PRIM2: variants seen among roughly 807,000 people sequenced by gnomAD.
The protein encoded by PRIM2 is DNA primase large subunit.
A neutral mutation model predicts 67.3 loss-of-function variants in PRIM2; 39 were observed. The ratio of observed to expected loss-of-function variants is 0.58; its 90% CI spans 0.45 to 0.76. PRIM2 has a LOEUF of 0.76. PRIM2 is among the 30% of genes least tolerant of loss of function. The pLI, the probability that PRIM2 is intolerant of heterozygous loss-of-function variation, is 0.00. For missense variants in PRIM2, 398 were observed against 598.7 expected (o/e 0.66, Z 3.50); for synonymous variants, 143 against 198.7 (o/e 0.72, Z 2.36).
intron 10 of PRIM2, among the ~76,000 whole-genome samples, chr6:57,569,895 C>A (rs1775829534): frequency 6.6e-6 from 1 of 152,108 alleles, no homozygotes; most frequent in African/African-American, 2.4e-5. Flanking sequence ...AGGCACGTGC[C>A]ACCACGCCCA....
chr6:57,273,182 A>T, the PRIM2 span, among the ~76,000 whole-genome samples: 1 of 152,104 alleles, frequency 6.6e-6, no homozygotes, highest in East Asian at 1.9e-4. Flanking sequence ...CTGCCTTGCT[A>T]GATTGGGGAA....
At chr6:57,271,141 A>C in the PRIM2 span, among the ~76,000 whole-genome samples, 111 of 152,334 alleles carry the variant, frequency 7.3e-4, no homozygotes, top group Middle Eastern at 0.01. Context: ...TGCTGGCCTC[A>C]TAAAATGAGT....
chr6:57,598,162 A>G (rs2127490622), intron 10 of PRIM2, among the ~76,000 whole-genome samples: 1 of 152,350 alleles, frequency 6.6e-6, no homozygotes, highest in East Asian at 1.9e-4. Flanking sequence ...AGTATCGTGT[A>G]GGAACATTTG....
chr6:57,474,502 A>AT (rs1773427552), intron 7 of PRIM2, among the ~76,000 whole-genome samples: 1 of 151,994 alleles, frequency 6.6e-6, no homozygotes, highest in Non-Finnish European at 1.5e-5. Flanking sequence ...AACATTTAAA[A>AT]TTTTTTTCAT....
chr6:57,592,018 T>G (rs1776289773), intron 10 of PRIM2, among the ~76,000 whole-genome samples: 1 of 152,124 alleles, frequency 6.6e-6, no homozygotes, highest in African/African-American at 2.4e-5. Flanking sequence ...GTCCTTTGCA[T>G]CAGCATGGAT....
intron 11 of PRIM2, among the ~76,000 whole-genome samples, chr6:57,603,111 T>A (rs1776499508): frequency 6.6e-6 from 1 of 152,232 alleles, no homozygotes; most frequent in Non-Finnish European, 1.5e-5. Context: ...TCCCCATCTG[T>A]GCTTCTGTTC....
At chr6:57,407,687 T>G (rs1770939770) in intron 7 of PRIM2, among the ~76,000 whole-genome samples, 1 of 152,206 alleles carries the variant, frequency 6.6e-6, no homozygotes, top group African/African-American at 2.4e-5. Context: ...AAAAGAGAAT[T>G]TGAAACTGTG....
chr6:57,235,245 G>A, the PRIM2 span, among the ~76,000 whole-genome samples: 21 of 152,014 alleles, frequency 1.4e-4, no homozygotes, highest in Non-Finnish European at 2.2e-4. Context: ...AGCAGATCAC[G>A]TGAGATCAGG....
the PRIM2 span, among the ~76,000 whole-genome samples, chr6:57,288,116 A>G: frequency 6.6e-6 from 1 of 152,180 alleles, no homozygotes; most frequent in African/African-American, 2.4e-5. Context: ...AGACCAGGAA[A>G]TTCCCTTCCA....
rs201624587 is a variant in PRIM2 at position 57,361,914 on chromosome 6, G to A, written c.460-17987G>A. 3.9e-3 allele frequency among the ~76,000 whole-genome samples: 599 copies of A among 152,232 alleles called. 3 individuals carry two copies. The highest frequency in any genetic ancestry group is 0.014 in the African/African-American group (566 of 41,538). ...GGGTTATAGGGGGAAAAAAAAGTGG[G>A]CATTGCCATGGGCTGGATTAATGTA... is the stretch of plus-strand genomic sequence containing the variant. On this transcript the variant is annotated intron_variant, in intron 5 of 13. Coordinates refer to ENST00000615550, the MANE Select transcript of PRIM2 (RefSeq NM_000947.5).
chr6:57,488,560 G>A (rs1773805882), intron 7 of PRIM2, among the ~76,000 whole-genome samples: 3 of 152,208 alleles, frequency 2.0e-5, no homozygotes, highest in African/African-American at 7.2e-5. Context: ...TACTTACCGA[G>A]CAAGTGAGAC....
At chr6:57,442,416 T>C (rs1772230032) in intron 7 of PRIM2, among the ~76,000 whole-genome samples, 1 of 151,912 alleles carries the variant, frequency 6.6e-6, no homozygotes. Context: ...ATATGTGCTA[T>C]AGGAATTTAC....
At chr6:57,541,925 C>T (rs1775165268) in intron 10 of PRIM2, among the ~76,000 whole-genome samples, 1 of 151,164 alleles carries the variant, frequency 6.6e-6, no homozygotes, top group African/African-American at 2.4e-5. Context: ...GACCAAATGT[C>T]TGGGCATCTC....
At chr6:57,349,398 A>G (rs1768787907) in intron 5 of PRIM2, among the ~76,000 whole-genome samples, 1 of 150,782 alleles carries the variant, frequency 6.6e-6, no homozygotes, top group Non-Finnish European at 1.5e-5. Context: ...CTACTTGATC[A>G]TGTAGTCTAG....
At chr6:57,561,555 A>G (rs1466357020) in intron 10 of PRIM2, among the ~76,000 whole-genome samples, 3 of 152,256 alleles carry the variant, frequency 2.0e-5, no homozygotes, top group Non-Finnish European at 2.9e-5. Context: ...CTTTTCTTCT[A>G]TAGTTCCCTC....
rs2127475684 is a variant in PRIM2, at chr6:57,553,621, C to A, written c.1020+15996C>A. 2.0e-5 allele frequency among the ~76,000 whole-genome samples: 3 copies of A among 151,454 alleles called. 1 individual carries two copies. Among genetic ancestry groups the A allele is most frequent in the African/African-American group, 7.3e-5 (3 of 41,208 alleles). On this transcript the variant is annotated intron_variant, in intron 10 of 13. Transcript: ENST00000615550. ...CCAACATTGCATGCACTTTCGTTGC[C>A]CTTCTTGTTTCCTGTTATGCTTGCT...
chr6:57,435,541 A>G (rs1771983539), intron 7 of PRIM2, among the ~76,000 whole-genome samples: 1 of 152,210 alleles, frequency 6.6e-6, no homozygotes, highest in Non-Finnish European at 1.5e-5. Context: ...AACATCATAA[A>G]AGTATGGACT....
chr6:57,388,320 T>G (rs1770217922), intron 7 of PRIM2, among the ~76,000 whole-genome samples: 1 of 152,132 alleles, frequency 6.6e-6, no homozygotes, highest in Non-Finnish European at 1.5e-5. Context: ...CTGGAAGTTT[T>G]CACATTAATC....
At chr6:57,571,632 A>G (rs1320481095) in intron 10 of PRIM2, among the ~76,000 whole-genome samples, 5 of 152,202 alleles carry the variant, frequency 3.3e-5, no homozygotes, top group Non-Finnish European at 7.3e-5. Flanking sequence ...CCTGGGCAAC[A>G]GAGCAAGAGT....
Sources: allele counts gnomAD v4.1 joint callset (sites outside exome capture counted in the v4.1 genomes callset), GRCh38; gene constraint gnomAD v4.1.1; transcripts MANE v1.5; gene names NCBI Gene and HGNC (gene_info 2026-07-23, HGNC 2026-07-21).